Variants in MUC5AC observed in about 807,000 individuals in gnomAD.
MUC5AC encodes mucin 5AC, oligomeric mucus/gel-forming, also known as mucin-5AC.
A neutral mutation model predicts 169.7 loss-of-function variants in MUC5AC; 158 were observed. That is an observed-to-expected ratio of 0.93 (90% CI 0.82 to 1.06). MUC5AC has a LOEUF of 1.06. Among genes scored for constraint, MUC5AC ranks in the 50% least tolerant of loss-of-function variants. MUC5AC has a pLI of 0.00. For synonymous variants in MUC5AC, 1,975 were observed against 1,237.0 expected, an observed-to-expected ratio of 1.60 and a Z score of -12.52; for missense variants, 4,359 against 3,089.9, an observed-to-expected ratio of 1.41 and a Z score of -9.74.
In MUC5AC at chr11:1,199,844, T is replaced by C. The variant is rs1399447394; in HGVS notation, c.16586-11T>C. The C allele has an allele frequency of 1.3e-6, 1 of 759,780 alleles. No individual in the cohort carries two copies. The highest frequency in any genetic ancestry group is 1.7e-5 in the Admixed American group (1 of 58,120). The allele number at this position is 759,780 out of a possible 1,614,324, so 47.1% of individuals were successfully genotyped here. On this transcript the variant is annotated splice_polypyrimidine_tract_variant and intron_variant, in intron 47 of 48. Transcript: ENST00000621226. ...AGCTGGGCTGGTCCTAAACCCTGTG[T>C]TCCTCTCCAGAGTCGACCTGTGCTG...
chr11:1,182,213 G>A lies in MUC5AC; in HGVS notation c.4068G>A (p.Pro1356=), dbSNP rs879002848. The A allele has an allele frequency of 5.4e-4, 214 of 398,560 alleles. No individual in the cohort carries two copies. Among genetic ancestry groups the A allele is most frequent in the Non-Finnish European group, 8.0e-4 (180 of 226,134 alleles). 24.7% of individuals were successfully genotyped at this position (398,560 alleles called of 1,614,324 possible). ...CAAGCAGCGCGCACACAGGCCCTCC[G>A]AGCAGCGCCTGGCCCACCACAGCAG... is the stretch of plus-strand genomic sequence containing the variant. The part of the protein sequence containing the change: ...NGPSSAHTGP[P]SSAWPTTAGT... The change falls in exon 31 of 49, where the codon CCG becomes CCA. Residue 1356 remains proline, a synonymous_variant. Coordinates refer to ENST00000621226, the MANE Select transcript of MUC5AC (RefSeq NM_001304359.2).
At position 1,163,907 on chromosome 11, in the gene MUC5AC, C is replaced by T. The variant is rs768232028; in HGVS notation, c.705C>T (p.Phe235=). The T allele has an allele frequency of 3.7e-5, 59 of 1,609,954 alleles. No homozygotes were observed. The highest frequency in any genetic ancestry group is 4.4e-5 in the Non-Finnish European group (52 of 1,178,878). ...ACACCAAGCTGACACCCATGGAATT[C>T]GGGAACCTGCAGAAGATGGACGACC... is the stretch of plus-strand genomic sequence containing the variant. The part of the protein sequence containing the change: ...SHNTKLTPME[F]GNLQKMDDPT... The change falls in exon 7 of 49, where the codon TTC becomes TTT. Residue 235 remains phenylalanine, a synonymous_variant. Transcript: ENST00000621226.
At chr11:1,170,904 AC>A in intron 15 of MUC5AC, among the ~76,000 whole-genome samples, 1 of 108,882 alleles carries the variant, frequency 9.2e-6, no homozygotes. Context: ...TCACTCACCC[AC>A]TCACTCACCT....
intron 11 of MUC5AC, among the ~76,000 whole-genome samples, chr11:1,166,297 C>T (rs1315645348): frequency 6.4e-5 from 9 of 140,154 alleles, no homozygotes; most frequent in Non-Finnish European, 1.1e-4. Flanking sequence ...TGAGACCCTG[C>T]ACCCAACACA....
intron 34 of MUC5AC, 35 bp downstream of exon 34, chr11:1,194,395 G>A (rs530975843): frequency 5.6e-6 from 4 of 709,428 alleles, no homozygotes; most frequent in Non-Finnish European, 7.7e-6. Context: ...GGAGGGGGTG[G>A]GGGACGCGGC....
Position 1,195,863 on chromosome 11 carries a change from AT to A in MUC5AC, c.15459-12del. On this transcript the variant is annotated splice_polypyrimidine_tract_variant and intron_variant, in intron 36 of 48. Transcript: ENST00000621226. ...AGAGGCTGCACCCAGCACCCTGCCC[AT>A]CCCTCCCACAGGGTCTTTGAGCCGT... The A allele has an allele frequency of 1.5e-6, 1 of 677,742 alleles. No homozygotes were observed. Among genetic ancestry groups the A allele is most frequent in the Non-Finnish European group, 2.7e-6 (1 of 364,428 alleles). The allele number at this position is 677,742 out of a possible 1,614,324, so 42.0% of individuals were successfully genotyped here.
Position 1,192,144 on chromosome 11 carries a change from C to G in MUC5AC, c.13999C>G (p.Arg4667Gly). The change falls in exon 31 of 49, where the codon CGA (arginine) becomes GGA (glycine). Residue 4667 changes from arginine to glycine, a missense_variant. Arg to Gly is a moderately radical substitution (Grantham distance 125). Transcript: ENST00000621226. ...IIRSGEKICR[R>G]PEEITRLQCR... ...CAGGAGTGGGGAAAAAATCTGCCGCCGACCTGAGGAGATCACCAGGCTCCA... is the reference window on the plus strand; with the variant it reads ...CAGGAGTGGGGAAAAAATCTGCCGCGGACCTGAGGAGATCACCAGGCTCCA... 1.3e-6 allele frequency: 1 copy of G among 765,060 alleles called. No individual in the cohort carries two copies. Among genetic ancestry groups the G allele is most frequent in the Non-Finnish European group, 2.4e-6 (1 of 417,884 alleles). 47.4% of individuals were successfully genotyped at this position (765,060 alleles called of 1,614,324 possible).
chr11:1,185,730 G>A lies in MUC5AC; in HGVS notation c.7585G>A (p.Gly2529Arg), dbSNP rs2133757228. The change falls in exon 31 of 49, where the codon GGA becomes AGA. Residue 2529 changes from glycine to arginine, a missense_variant. Transcript: ENST00000621226. ...ASTTSTTSGA[G>R]TTPSPVPTTS... ...TACAACCAGCACAACCTCTGGTGCT[G>A]GAACTACTCCCAGCCCTGTTCCCAC... is the stretch of plus-strand genomic sequence containing the variant. 2.7e-6 allele frequency: 2 copies of A among 729,882 alleles called. No homozygotes were observed. The highest frequency in any genetic ancestry group is 5.0e-5 in the East Asian group (2 of 39,910). 45.2% of individuals were successfully genotyped at this position (729,882 alleles called of 1,614,324 possible).
Position 1,185,864 on chromosome 11 carries a change from C to T in MUC5AC, c.7719C>T (p.Ser2573=), listed in dbSNP as rs1466342597. 1 of 748,706 alleles carries T rather than the reference C, an allele frequency of 1.3e-6. No individual in the cohort carries two copies. The allele number at this position is 748,706 out of a possible 1,614,324, so 46.4% of individuals were successfully genotyped here. A position where few individuals can be genotyped will look rare whatever the true frequency, so the allele number is the denominator to read the frequency against. ...STTSGPGTTP[S]PVPTTSTTSA... is the part of the protein sequence containing the mutation. The stretch of plus-strand genomic sequence containing the variant: ...CCTCTGGTCCTGGAACTACTCCCAG[C>T]CCTGTTCCTACCACGAGCACAACCT... Residue 2573 remains serine, a synonymous_variant, in exon 31 of 49, where the codon AGC becomes AGT. Transcript: ENST00000621226.
chr11:1,176,155 T>C lies in MUC5AC; in HGVS notation c.2406T>C (p.Cys802=). Residue 802 remains cysteine, a synonymous_variant, in exon 20 of 49, where the codon TGT becomes TGC. Transcript: ENST00000621226. The stretch of plus-strand genomic sequence containing the variant: ...TGACGGCCCCTCCCTCCCCAGTGTG[T>C]GCTGCGCCCATGGTGTTCTTTGACT... ...CIGGQAPAPV[C]AAPMVFFDCR... is the part of the protein sequence containing the mutation. 2.5e-6 allele frequency: 1 copy of C among 398,656 alleles called. No individual in the cohort carries two copies. Among genetic ancestry groups the C allele is most frequent in the Non-Finnish European group, 4.4e-6 (1 of 226,090 alleles). The allele number at this position is 398,656 out of a possible 1,614,324, so 24.7% of individuals were successfully genotyped here.
In MUC5AC at chr11:1,191,836, G is replaced by C. The variant is rs1590148844; in HGVS notation, c.13691G>C (p.Gly4564Ala). The C allele has an allele frequency of 2.7e-6, 2 of 754,704 alleles. No individual in the cohort carries two copies. The highest frequency in any genetic ancestry group is 4.8e-6 in the Non-Finnish European group (2 of 415,498). 46.8% of individuals were successfully genotyped at this position (754,704 alleles called of 1,614,324 possible). A position where few individuals can be genotyped will look rare whatever the true frequency, so the allele number is the denominator to read the frequency against. The change falls in exon 31 of 49, where the codon GGT (glycine) becomes GCT (alanine). Residue 4564 changes from glycine (G) to alanine (A), a missense_variant. Transcript: ENST00000621226. ...GCTCCTACAACTAGCACAACCTCTG[G>C]TCCTGGAACTACTCCCAGCCCTGTT... is the stretch of plus-strand genomic sequence containing the variant. Reference protein sequence around the residue: ...TSAPTTSTTSGPGTTPSPVPT... With the variant: ...TSAPTTSTTSAPGTTPSPVPT...
Position 1,199,381 on chromosome 11 carries a change from C to A in MUC5AC, c.16406C>A (p.Thr5469Asn). 1.4e-6 allele frequency: 1 copy of A among 718,644 alleles called. No homozygotes were observed. Among genetic ancestry groups the A allele is most frequent in the Non-Finnish European group, 2.5e-6 (1 of 394,266 alleles). The allele number at this position is 718,644 out of a possible 1,614,324, so 44.5% of individuals were successfully genotyped here. Residue 5469 changes from threonine to asparagine, a missense_variant, in exon 46 of 49, where the codon ACC becomes AAC. Coordinates refer to ENST00000621226, the MANE Select transcript of MUC5AC (RefSeq NM_001304359.2). ...CTGGCCTCCCTCCAGCCCGGCGAGA[C>A]CTGGTCAGACGCAGGGAACCACTGT... Reference protein sequence around the residue: ...SPAHLFYPGETWSDAGNHCVT... With the variant: ...SPAHLFYPGENWSDAGNHCVT...
chr11:1,162,481 G>A, intron 4 of MUC5AC, 51 bp from the exon 5 acceptor site: 2 of 1,515,368 alleles, frequency 1.3e-6, no homozygotes, highest in East Asian at 2.3e-5. Context: ...GCCCTGCCTG[G>A]GGTCTCTCCT....
chr11:1,198,102 C>T, intron 42 of MUC5AC, 98 bp downstream of exon 42: 1 of 649,648 alleles, frequency 1.5e-6, no homozygotes, highest in Non-Finnish European at 2.8e-6. Context: ...GGCTTGTCCA[C>T]TGCGGGTCTG....
intron 45 of MUC5AC, 33 bp from the exon 46 acceptor site, chr11:1,199,338 G>C (rs988705847): frequency 5.7e-6 from 4 of 702,396 alleles, no homozygotes; most frequent in Non-Finnish European, 7.8e-6. Context: ...ACGGAGGGAG[G>C]GTCACTCACC....
intron 6 of MUC5AC, 89 bp from the exon 7 acceptor site, chr11:1,163,793 G>A (rs1860217083): frequency 1.9e-6 from 2 of 1,056,670 alleles, no homozygotes; most frequent in Non-Finnish European, 1.4e-6. Context: ...CCCACCCCAG[G>A]GACCCGGCCC....
intron 15 of MUC5AC, 89 bp downstream of exon 15, chr11:1,169,115 C>T (rs1860421891): frequency 7.0e-7 from 1 of 1,433,758 alleles, no homozygotes; most frequent in Non-Finnish European, 9.1e-7. Context: ...GAGGCCGGCC[C>T]TGCGTGTGCC....
intron 26 of MUC5AC, among the ~76,000 whole-genome samples, chr11:1,179,782 C>T (rs909463716): frequency 5.9e-5 from 9 of 151,776 alleles, no homozygotes; most frequent in Middle Eastern, 3.2e-3. Flanking sequence ...CTAGCCCACA[C>T]GGAGCCTTGC....
intron 15 of MUC5AC, among the ~76,000 whole-genome samples, chr11:1,170,427 AT>A (rs1860472306): frequency 2.0e-5 from 2 of 98,444 alleles, no homozygotes; most frequent in Non-Finnish European, 4.7e-5. Context: ...CCACTCACCC[AT>A]TCACCCATTC....
Sources: gnomAD v4.1 joint callset for allele counts (sites outside exome capture counted in the v4.1 genomes callset) on GRCh38, gnomAD v4.1.1 for gene constraint, MANE v1.5 for transcripts, NCBI Gene and HGNC (gene_info 2026-07-23, HGNC 2026-07-21) for gene names.